Variants in CPD observed in about 807,000 individuals in gnomAD.
CPD encodes metallocarboxypeptidase D.
A neutral mutation model predicts 138.3 loss-of-function variants in CPD; 69 were observed. The ratio of observed to expected loss-of-function variants is 0.50; its 90% CI spans 0.41 to 0.61. The LOEUF (loss-of-function observed/expected upper bound fraction) is 0.61. CPD is among the 20% of genes least tolerant of loss of function. The pLI is 0.00. For missense variants in CPD, 1,432 were observed against 1,733.3 expected, an observed-to-expected ratio of 0.83 and a Z score of 3.09; for synonymous variants, 651 against 642.1, an observed-to-expected ratio of 1.01 and a Z score of -0.21.
At chr17:30,438,466 C>A (rs1206331900) in intron 8 of CPD, among the ~76,000 whole-genome samples, 5 of 152,038 alleles carry the variant, frequency 3.3e-5, no homozygotes, top group African/African-American at 4.8e-5. Context: ...AGTGTATTGT[C>A]TTTAGGGAAG....
chr17:30,383,261 C>T (rs1180893182), intron 1 of CPD, among the ~76,000 whole-genome samples: 3 of 152,114 alleles, frequency 2.0e-5, no homozygotes, highest in East Asian at 3.8e-4. Flanking sequence ...TGAGCAGGGG[C>T]TATAAAGTAG....
intron 2 of CPD, among the ~76,000 whole-genome samples, chr17:30,386,086 A>G (rs1033363193): frequency 2.6e-5 from 4 of 152,112 alleles, no homozygotes; most frequent in Non-Finnish European, 4.4e-5. Flanking sequence ...CTGCAGTGCA[A>G]TAGTACAATC....
chr17:30,380,563 G>A, intron 1 of CPD: 1 of 1,488,808 alleles, frequency 6.7e-7, no homozygotes, highest in Non-Finnish European at 8.9e-7. Flanking sequence ...ATTGCATGAG[G>A]TTTAAAAAAT....
chr17:30,405,120 T>C (rs1391151393), intron 2 of CPD, among the ~76,000 whole-genome samples: 6 of 152,132 alleles, frequency 3.9e-5, no homozygotes, highest in African/African-American at 1.2e-4. Context: ...ATAAATACAG[T>C]CACAGAAACC....
At chr17:30,399,717 C>T (rs1417794347) in intron 2 of CPD, among the ~76,000 whole-genome samples, 2 of 151,994 alleles carry the variant, frequency 1.3e-5, no homozygotes, top group African/African-American at 2.4e-5. Context: ...TGACCTGGTG[C>T]GGTGGCTCAT....
At position 30,443,814 on chromosome 17, in the gene CPD, G is replaced by A. The variant is rs148468921; in HGVS notation, c.2386G>A (p.Val796Ile). 6.2e-5 allele frequency: 100 copies of A among 1,610,558 alleles called. No individual in the cohort carries two copies. The African/African-American group carries it at 9.2e-4, about 15-fold the overall frequency. ...IQFMKQVHQG[V>I]RGFVLDATDG... ...GTACTTAATCCAGGTTCATCAGGGC[G>A]TCAGAGGATTTGTTCTAGATGCCAC... The change falls in exon 11 of 21, where the codon GTC becomes ATC. Residue 796 changes from valine to isoleucine, a missense_variant. Transcript: ENST00000225719.
Position 30,445,941 on chromosome 17 carries a change from C to G in CPD, c.2794C>G (p.Arg932Gly). ...SSSNLALALY[R>G]YHSYKDLSEF... ...CTCAAATCTGGCTCTGGCTCTTTATCGATACCATTCCTACAAAGACTTATC... is the reference window on the plus strand; with the variant it reads ...CTCAAATCTGGCTCTGGCTCTTTATGGATACCATTCCTACAAAGACTTATC... The change falls in exon 12 of 21, where the codon CGA (arginine) becomes GGA (glycine). Residue 932 changes from arginine to glycine, a missense_variant. Coordinates refer to ENST00000225719, the MANE Select transcript of CPD (RefSeq NM_001304.5). The G allele has an allele frequency of 6.2e-7, 1 of 1,613,990 alleles. No individual in the cohort carries two copies. Among genetic ancestry groups the G allele is most frequent in the East Asian group, 2.2e-5 (1 of 44,882 alleles).
At chr17:30,394,689 G>A (rs1372067762) in intron 2 of CPD, among the ~76,000 whole-genome samples, 1 of 152,136 alleles carries the variant, frequency 6.6e-6, no homozygotes, top group African/African-American at 2.4e-5. Flanking sequence ...GCATGTAGGG[G>A]AATGAAAAGG....
At chr17:30,388,531 G>T (rs944165639) in intron 2 of CPD, among the ~76,000 whole-genome samples, 1 of 152,200 alleles carries the variant, frequency 6.6e-6, no homozygotes, top group Non-Finnish European at 1.5e-5. Flanking sequence ...ACAGTGCGCC[G>T]CCTCAGCTCC....
At position 30,443,799 on chromosome 17, in the gene CPD, C is replaced by T; in HGVS notation, c.2374-3C>T. 2 of 1,604,748 alleles carry T rather than the reference C, an allele frequency of 1.2e-6. No individual in the cohort carries two copies. The highest frequency in any genetic ancestry group is 8.5e-7 in the Non-Finnish European group (1 of 1,173,772). ...AAATCTGGTGTCCTTGTACTTAATCCAGGTTCATCAGGGCGTCAGAGGATT... is the reference window on the plus strand; with the variant it reads ...AAATCTGGTGTCCTTGTACTTAATCTAGGTTCATCAGGGCGTCAGAGGATT... On this transcript the variant is annotated splice_polypyrimidine_tract_variant and splice_region_variant and intron_variant, in intron 10 of 20. Coordinates refer to ENST00000225719, the MANE Select transcript of CPD (RefSeq NM_001304.5).
In CPD at chr17:30,464,656, A is replaced by G. The variant is rs370170270; in HGVS notation, c.3985A>G (p.Arg1329Gly). ...IWCICSIKSNRHKDGFHRLRQ... is the reference protein window; with the variant it reads ...IWCICSIKSNGHKDGFHRLRQ... ...GTGCATCTGCTCAATCAAGTCTAAT[A>G]GACACAAGGATGGCTTTCATCGGCT... The change falls in exon 21 of 21, where the codon AGA becomes GGA. Residue 1329 changes from arginine to glycine, a missense_variant. Arg to Gly is a moderately radical substitution (Grantham distance 125, BLOSUM62 -2). Coordinates refer to ENST00000225719, the MANE Select transcript of CPD (RefSeq NM_001304.5). 2.4e-5 allele frequency: 38 copies of G among 1,613,872 alleles called. No individual in the cohort carries two copies. Among genetic ancestry groups the G allele is most frequent in the African/African-American group, 5.3e-5 (4 of 74,900 alleles).
chr17:30,416,930 G>A lies in CPD; in HGVS notation c.995-3911G>A, dbSNP rs1309506794. On this transcript the variant is annotated intron_variant, in intron 2 of 20. Coordinates refer to ENST00000225719, the MANE Select transcript of CPD (RefSeq NM_001304.5). ...AGCCTGGCCAACATGGTGAAACCCCGTCTCTACTAAAAATACAGAAAATTA... is the reference window on the plus strand; with the variant it reads ...AGCCTGGCCAACATGGTGAAACCCCATCTCTACTAAAAATACAGAAAATTA... Among the ~76,000 whole-genome samples the A allele has an allele frequency of 4.6e-5, 7 of 152,084 alleles. No homozygotes were observed. In the East Asian group the frequency reaches 5.8e-4, roughly 13 times the overall value.
intron 7 of CPD, among the ~76,000 whole-genome samples, chr17:30,430,135 A>G (rs1397108553): frequency 6.6e-6 from 1 of 152,198 alleles, no homozygotes; most frequent in Non-Finnish European, 1.5e-5. Flanking sequence ...AATTTCAAAA[A>G]TTTTGATACT....
chr17:30,384,471 C>CTATATGAACTTG (rs1911129522), intron 1 of CPD, among the ~76,000 whole-genome samples: 7 of 152,112 alleles, frequency 4.6e-5, no homozygotes, highest in African/African-American at 1.7e-4. Context: ...AAGTCGTAGA[C>CTATATGAACTTG]TGAACTATAT....
intron 2 of CPD, among the ~76,000 whole-genome samples, chr17:30,402,318 C>T (rs968113846): frequency 6.6e-6 from 1 of 152,172 alleles, no homozygotes; most frequent in Non-Finnish European, 1.5e-5. Flanking sequence ...GTAATCTCAG[C>T]AATTCGGGAG....
intron 2 of CPD, among the ~76,000 whole-genome samples, chr17:30,401,271 CCTT>C (rs768110616): frequency 5.3e-4 from 79 of 150,364 alleles, no homozygotes; most frequent in Admixed American, 1.1e-3. Flanking sequence ...TTCTCCTCCT[CCTT>C]CTTCCTTCTC....
intron 12 of CPD, among the ~76,000 whole-genome samples, chr17:30,448,060 T>C (rs1422207221): frequency 6.6e-6 from 1 of 152,238 alleles, no homozygotes; most frequent in Non-Finnish European, 1.5e-5. Flanking sequence ...ATTTATAATA[T>C]TCATAGATGC....
Position 30,469,985 on chromosome 17 carries a change from G to A in CPD, c.*5171G>A, listed in dbSNP as rs924533717. ...CAGCAAATTAAACATGATGGTCAACGCTAATACTACTCAATTATGAATAAG... is the reference window on the plus strand; with the variant it reads ...CAGCAAATTAAACATGATGGTCAACACTAATACTACTCAATTATGAATAAG... On this transcript the variant is annotated 3_prime_UTR_variant, in exon 21 of 21. Coordinates refer to ENST00000225719, the MANE Select transcript of CPD (RefSeq NM_001304.5). The A allele has an allele frequency of 1.3e-5, 2 of 151,878 alleles. No homozygotes were observed. Among genetic ancestry groups the A allele is most frequent in the Admixed American group, 6.6e-5 (1 of 15,244 alleles). 9.4% of individuals were successfully genotyped at this position (151,878 alleles called of 1,614,324 possible). A position where few individuals can be genotyped will look rare whatever the true frequency, so the allele number is the denominator to read the frequency against.
rs1465550992 is a variant in CPD at position 30,379,330 on chromosome 17, C to T, written c.350C>T (p.Ala117Val). The T allele has an allele frequency of 2.0e-6, 3 of 1,489,802 alleles. No homozygotes were observed. Among genetic ancestry groups the T allele is most frequent in the East Asian group, 2.8e-5 (1 of 35,446 alleles). The allele number at this position is 1,489,802 out of a possible 1,614,324, so 92.3% of individuals were successfully genotyped here. ...GAGGGCGACGCGGGGCCTGACGCTG[C>T]CGGGCCCGACGCTGCGGGGCCGCTG... is the stretch of plus-strand genomic sequence containing the variant. ...IPEGDAGPDA[A>V]GPDAAGPLLP... Residue 117 changes from alanine (A) to valine (V), a missense_variant, in exon 1 of 21, where the codon GCC becomes GTC. Physicochemically the swap from Ala to Val is moderately conservative, Grantham distance 64 (BLOSUM62 0). Around this residue, in one of 6 missense-constraint regions of CPD, gnomAD observed 484 missense variants for 477.2 expected, o/e 1.01. Coordinates refer to ENST00000225719, the MANE Select transcript of CPD (RefSeq NM_001304.5). The surrounding 1 kb of genome is among the most constrained non-coding windows in gnomAD (Gnocchi z 7.0).
Sources: gnomAD v4.1 joint callset for allele counts (sites outside exome capture counted in the v4.1 genomes callset) on GRCh38, gnomAD v4.1.1 for gene constraint, gnomAD v4.1.1 regional missense constraint, Gnocchi (gnomAD v3.1) non-coding constraint, MANE v1.5 for transcripts, NCBI Gene and HGNC (gene_info 2026-07-23, HGNC 2026-07-21) for gene names.